Variants in NCALD observed in about 807,000 individuals in gnomAD.
NCALD encodes neurocalcin-delta.
Under a neutral mutation model 18.6 loss-of-function variants are expected in NCALD, and 10 were observed. The observed-to-expected ratio is 0.54, with a 90% confidence interval of 0.33 to 0.91. The LOEUF is 0.91. NCALD is among the 40% of genes least tolerant of loss of function. The pLI is 0.03. For synonymous variants in NCALD, 88 were observed against 87.4 expected (o/e 1.01, Z -0.04); for missense variants, 184 against 247.6 (o/e 0.74, Z 1.72).
chr8:101,817,372 AG>A (rs1813538591), intron 4 of NCALD, among the ~76,000 whole-genome samples: 2 of 152,136 alleles, frequency 1.3e-5, no homozygotes, highest in Non-Finnish European at 2.9e-5. Flanking sequence ...CATGCCTTGG[AG>A]TTTGTTCTTT....
At position 101,738,365 on chromosome 8, in the gene NCALD, G is replaced by A. The variant is rs1337634477; in HGVS notation, c.-19-18717C>T. Among the ~76,000 whole-genome samples the A allele has an allele frequency of 5.3e-5, 8 of 152,032 alleles. No individual in the cohort carries two copies. In the East Asian group the frequency reaches 9.7e-4, roughly 18 times the overall value. ...TCGAGATCAGCCTGCCCAACATGGC[G>A]AAACCCCATCTCCACTCAAAATACA... On this transcript the variant is annotated intron_variant, in intron 1 of 3. Transcript: ENST00000220931.
chr8:102,081,693 A>G (rs1403575231), intron 1 of NCALD, among the ~76,000 whole-genome samples: 1 of 152,200 alleles, frequency 6.6e-6, no homozygotes, highest in Non-Finnish European at 1.5e-5. Flanking sequence ...CTGACATTTA[A>G]AGATGATTCC....
chr8:101,741,165 C>T lies in NCALD; in HGVS notation c.-19-21517G>A, dbSNP rs183802774. ...GAGGAGGCACCCGGAATTCTGCATC[C>T]TGTATCCCTGTGTACACACACAGTA... On this transcript the variant is annotated intron_variant, in intron 1 of 3. Transcript: ENST00000220931. Among the ~76,000 whole-genome samples the T allele has an allele frequency of 3.3e-5, 5 of 151,750 alleles. No individual in the cohort carries two copies. The East Asian group carries it at 9.6e-4, about 29-fold the overall frequency.
chr8:101,939,614 A>T (rs1453881521), intron 2 of NCALD, among the ~76,000 whole-genome samples: 1 of 152,226 alleles, frequency 6.6e-6, no homozygotes, highest in East Asian at 1.9e-4. Context: ...AGTAAAAAAA[A>T]TAAATAAATA....
At chr8:101,831,392 G>A (rs904709987) in intron 4 of NCALD, among the ~76,000 whole-genome samples, 1 of 152,134 alleles carries the variant, frequency 6.6e-6, no homozygotes, top group Non-Finnish European at 1.5e-5. Flanking sequence ...TCTTCACCTA[G>A]GTTCATTACC....
intron 4 of NCALD, among the ~76,000 whole-genome samples, chr8:101,830,776 T>G (rs1221865090): frequency 6.6e-6 from 1 of 150,664 alleles, no homozygotes; most frequent in Non-Finnish European, 1.5e-5. Flanking sequence ...AGTCTGGCTC[T>G]GTCTCCCAGG....
At chr8:101,932,607 C>T (rs1818618184) in intron 2 of NCALD, among the ~76,000 whole-genome samples, 1 of 151,974 alleles carries the variant, frequency 6.6e-6, no homozygotes, top group South Asian at 2.1e-4. Flanking sequence ...GAAAAGAATA[C>T]AAGAGTACAC....
intron 1 of NCALD, among the ~76,000 whole-genome samples, chr8:102,084,280 A>G (rs1824657927): frequency 6.6e-6 from 1 of 152,232 alleles, no homozygotes; most frequent in South Asian, 2.1e-4. Context: ...ATGGCCGCGA[A>G]TCTGTATGAG....
chr8:102,031,528 A>T (rs1822669164), intron 1 of NCALD, among the ~76,000 whole-genome samples: 1 of 152,134 alleles, frequency 6.6e-6, no homozygotes, highest in African/African-American at 2.4e-5. Flanking sequence ...GCCTTATGCT[A>T]ATTCATGATG....
chr8:101,795,377 G>A (rs1262635944), upstream of NCALD, among the ~76,000 whole-genome samples: 1 of 152,136 alleles, frequency 6.6e-6, no homozygotes, highest in Non-Finnish European at 1.5e-5. Flanking sequence ...CAACAGAAAT[G>A]TATGTCTCAT....
intron 2 of NCALD, among the ~76,000 whole-genome samples, chr8:101,989,340 C>CA (rs1820954948): frequency 6.6e-6 from 1 of 152,106 alleles, no homozygotes; most frequent in Admixed American, 6.5e-5. Flanking sequence ...TCCAGAGCCA[C>CA]AAAATTGTTT....
At chr8:101,966,824 A>T (rs1413944648) in intron 2 of NCALD, among the ~76,000 whole-genome samples, 4 of 152,140 alleles carry the variant, frequency 2.6e-5, no homozygotes, top group Non-Finnish European at 4.4e-5. Flanking sequence ...CATTATTTTT[A>T]ATGATGAAGA....
chr8:101,702,327 G>T (rs552106257), intron 2 of NCALD, among the ~76,000 whole-genome samples: 2 of 151,854 alleles, frequency 1.3e-5, no homozygotes, highest in African/African-American at 4.8e-5. Context: ...GACCTCCTGG[G>T]CTCAAACCAT....
At chr8:102,029,257 G>A (rs966165441) in intron 1 of NCALD, among the ~76,000 whole-genome samples, 8 of 152,156 alleles carry the variant, frequency 5.3e-5, no homozygotes, top group Non-Finnish European at 8.8e-5. Context: ...GCCTGGAGAG[G>A]TAAAAATGGA....
intron 2 of NCALD, among the ~76,000 whole-genome samples, chr8:102,006,879 A>G (rs1460550765): frequency 6.6e-6 from 1 of 152,182 alleles, no homozygotes; most frequent in Non-Finnish European, 1.5e-5. Context: ...AGTATGCCTT[A>G]TGTGTCCTGC....
At chr8:102,015,751 G>T (rs1397976239) in intron 2 of NCALD, among the ~76,000 whole-genome samples, 1 of 152,146 alleles carries the variant, frequency 6.6e-6, no homozygotes. Context: ...TGTCCCCTTT[G>T]GCAGGGCATA....
At chr8:101,860,903 G>C (rs1481191224) in intron 4 of NCALD, among the ~76,000 whole-genome samples, 1 of 152,080 alleles carries the variant, frequency 6.6e-6, no homozygotes, top group East Asian at 1.9e-4. Context: ...CCTGAAAGCT[G>C]AATGTTAAAT....
intron 2 of NCALD, chr8:101,986,559 G>C (rs1365432897): frequency 6.6e-6 from 1 of 152,184 alleles, no homozygotes. Context: ...CAGCAATCCC[G>C]CTCTCCATTT....
intron 3 of NCALD, among the ~76,000 whole-genome samples, chr8:101,897,494 T>C (rs905827989): frequency 3.3e-5 from 5 of 150,490 alleles, no homozygotes; most frequent in Admixed American, 6.6e-5. Flanking sequence ...TGTGCACATG[T>C]ACCCTAAAAC....
Sources: allele counts gnomAD v4.1 joint callset (sites outside exome capture counted in the v4.1 genomes callset), GRCh38; gene constraint gnomAD v4.1.1; transcripts MANE v1.5; gene names NCBI Gene and HGNC (gene_info 2026-07-23, HGNC 2026-07-21).